CTNNA3: variants seen among roughly 807,000 people sequenced by gnomAD.
The protein encoded by CTNNA3 is catenin alpha 3, also known as catenin alpha-3.
A neutral mutation model predicts 95.7 loss-of-function variants in CTNNA3; 76 were observed. The ratio of observed to expected loss-of-function variants is 0.79; its 90% CI spans 0.66 to 0.96. The LOEUF (loss-of-function observed/expected upper bound fraction) is 0.96, where lower values mean the gene tolerates loss of function less well. Among genes scored for constraint, CTNNA3 ranks in the 40% least tolerant of loss-of-function variants. The pLI is 0.00. For missense variants in CTNNA3, 1,191 were observed against 1,089.8 expected, an observed-to-expected ratio of 1.09 and a Z score of -1.31; for synonymous variants, 431 against 374.4, an observed-to-expected ratio of 1.15 and a Z score of -1.74.
chr10:66,379,003 A>G, intron 12 of CTNNA3, 149 bp downstream of exon 12: 1 of 638,768 alleles, frequency 1.6e-6, no homozygotes, highest in Non-Finnish European at 2.7e-6. Context: ...TAAATTTCAA[A>G]TCGCATAACC....
chr10:67,318,025 TTAC>T (rs1841136747), intron 5 of CTNNA3, among the ~76,000 whole-genome samples: 1 of 152,060 alleles, frequency 6.6e-6, no homozygotes, highest in African/African-American at 2.4e-5. Context: ...TTTTTTTTTT[TTAC>T]ATAAGGAGGG....
intron 13 of CTNNA3, among the ~76,000 whole-genome samples, chr10:66,240,935 G>A (rs901548748): frequency 1.3e-5 from 2 of 151,924 alleles, no homozygotes; most frequent in Non-Finnish European, 2.9e-5. Context: ...TAGTCAAGGA[G>A]AAAATAACAA....
chr10:67,697,663 A>T (rs1160347852), upstream of CTNNA3, among the ~76,000 whole-genome samples: 1 of 152,258 alleles, frequency 6.6e-6, no homozygotes, highest in Non-Finnish European at 1.5e-5. Flanking sequence ...CAATACAGAT[A>T]AAACCTTCTT....
At chr10:67,561,871 A>G (rs753971976) in intron 3 of CTNNA3, among the ~76,000 whole-genome samples, 41 of 152,240 alleles carry the variant, frequency 2.7e-4, no homozygotes, top group Non-Finnish European at 4.9e-4. Flanking sequence ...TTCTACACAA[A>G]TAAACTAGAA....
intron 2 of CTNNA3, among the ~76,000 whole-genome samples, chr10:67,637,002 A>G (rs1839338704): frequency 6.6e-6 from 1 of 152,240 alleles, no homozygotes; most frequent in African/African-American, 2.4e-5. Context: ...CAACGTAACA[A>G]AGCTGCATGG....
intron 3 of CTNNA3, among the ~76,000 whole-genome samples, chr10:67,560,938 C>A (rs892612313): frequency 4.6e-5 from 7 of 152,162 alleles, no homozygotes; most frequent in Non-Finnish European, 8.8e-5. Context: ...GAAGAGCTAA[C>A]TATCCTAAAT....
At chr10:67,488,591 A>G (rs1848535335) in intron 5 of CTNNA3, among the ~76,000 whole-genome samples, 1 of 151,068 alleles carries the variant, frequency 6.6e-6, no homozygotes, top group Non-Finnish European at 1.5e-5. Flanking sequence ...GGCTGTTCTC[A>G]AACTCCTGAC....
chr10:67,062,406 G>T (rs548689798), intron 7 of CTNNA3, among the ~76,000 whole-genome samples: 2 of 152,262 alleles, frequency 1.3e-5, no homozygotes, highest in South Asian at 4.1e-4. Flanking sequence ...AAATGTCAGC[G>T]ATGACTCATG....
chr10:66,599,506 A>G (rs879000165), intron 10 of CTNNA3, among the ~76,000 whole-genome samples: 3 of 151,716 alleles, frequency 2.0e-5, no homozygotes, highest in Admixed American at 6.6e-5. Flanking sequence ...CTATCCCAGA[A>G]CTCCTATACT....
chr10:66,144,220 C>T (rs893532568), intron 13 of CTNNA3, among the ~76,000 whole-genome samples: 4 of 152,140 alleles, frequency 2.6e-5, no homozygotes, highest in African/African-American at 9.7e-5. Flanking sequence ...CTACCTCATG[C>T]ATTTTTTCTT....
chr10:66,970,525 A>T (rs953460167), intron 7 of CTNNA3, among the ~76,000 whole-genome samples: 1 of 150,676 alleles, frequency 6.6e-6, no homozygotes, highest in East Asian at 1.9e-4. Context: ...CAATTCTTCT[A>T]TTAGGGAAAT....
chr10:67,463,313 C>T (rs1247888204), intron 5 of CTNNA3, among the ~76,000 whole-genome samples: 1 of 152,146 alleles, frequency 6.6e-6, no homozygotes. Context: ...TATCAGGATG[C>T]TTCAGCTAAG....
At chr10:67,033,582 G>A (rs1047445740) in intron 7 of CTNNA3, among the ~76,000 whole-genome samples, 3 of 152,184 alleles carry the variant, frequency 2.0e-5, no homozygotes, top group South Asian at 2.1e-4. Flanking sequence ...AATATGTGCC[G>A]AGCACTGTTC....
chr10:67,738,798 C>A (rs568742275), intron 1 of CTNNA3, among the ~76,000 whole-genome samples: 2 of 152,040 alleles, frequency 1.3e-5, no homozygotes, highest in East Asian at 3.9e-4. Flanking sequence ...AACGAATGCA[C>A]AAGCCTCGGA....
intron 13 of CTNNA3, among the ~76,000 whole-genome samples, chr10:66,115,887 G>T (rs561919040): frequency 1.3e-5 from 2 of 152,252 alleles, no homozygotes; most frequent in South Asian, 4.2e-4. Flanking sequence ...GTAGGGGGGT[G>T]TTGCTCCATA....
intron 11 of CTNNA3, among the ~76,000 whole-genome samples, chr10:66,427,435 C>T (rs1054798525): frequency 6.6e-6 from 1 of 151,956 alleles, no homozygotes; most frequent in African/African-American, 2.4e-5. Flanking sequence ...ACTGTCTTAA[C>T]ATCTATAGGG....
chr10:67,115,588 C>T (rs896364498), intron 7 of CTNNA3, among the ~76,000 whole-genome samples: 10 of 151,396 alleles, frequency 6.6e-5, no homozygotes, highest in Non-Finnish European at 1.3e-4. Context: ...ATTCTGAAGC[C>T]CACAAAATTA....
At chr10:67,244,563 T>C (rs1010905866) in intron 5 of CTNNA3, among the ~76,000 whole-genome samples, 3 of 152,168 alleles carry the variant, frequency 2.0e-5, no homozygotes, top group African/African-American at 7.2e-5. Flanking sequence ...AAAATAGAAA[T>C]ACCAAGTAAA....
chr10:67,036,046 A>G (rs1262378479), intron 7 of CTNNA3, among the ~76,000 whole-genome samples: 1 of 152,220 alleles, frequency 6.6e-6, no homozygotes, highest in Non-Finnish European at 1.5e-5. Flanking sequence ...CTGAATTTGC[A>G]TCTTCTAACC....
Sources: allele counts gnomAD v4.1 joint callset (sites outside exome capture counted in the v4.1 genomes callset), GRCh38; gene constraint gnomAD v4.1.1; transcripts MANE v1.5; gene names NCBI Gene and HGNC (gene_info 2026-07-23, HGNC 2026-07-21).